Variants in MICOS10 observed in about 807,000 individuals in gnomAD.
MICOS10 encodes mitochondrial contact site and cristae organizing system subunit 10.
Under a neutral mutation model 13.4 loss-of-function variants are expected in MICOS10, and 5 were observed. The ratio of observed to expected loss-of-function variants is 0.37; its 90% CI spans 0.20 to 0.78. The LOEUF (loss-of-function observed/expected upper bound fraction) is 0.78, where lower values mean the gene tolerates loss of function less well. Ranked by LOEUF, MICOS10 falls within the 30% of genes least tolerant of loss-of-function variation. The probability of loss-of-function intolerance (pLI) is 0.47; values close to 1 mark genes in which losing one functional copy is unlikely to be tolerated. For missense variants in MICOS10, 101 were observed against 94.6 expected (o/e 1.07, Z -0.28); for synonymous variants, 35 against 33.6 (o/e 1.04, Z -0.15).
At chr1:19,606,007 A>G (rs2094833208) in intron 1 of MICOS10, among the ~76,000 whole-genome samples, 1 of 152,232 alleles carries the variant, frequency 6.6e-6, no homozygotes, top group African/African-American at 2.4e-5. Context: ...GATTTCAGAA[A>G]GATCACTGAT....
chr1:19,610,849 T>A (rs974867563), intron 1 of MICOS10, among the ~76,000 whole-genome samples: 2 of 152,326 alleles, frequency 1.3e-5, no homozygotes, highest in African/African-American at 4.8e-5. Context: ...CATAATTCAC[T>A]TTTTACTAGG....
intron 1 of MICOS10, among the ~76,000 whole-genome samples, chr1:19,617,906 A>AAT (rs138537670): frequency 0.075 from 11,437 of 151,530 alleles, 507 homozygotes; most frequent in African/African-American, 0.096. Flanking sequence ...TCTATTAAAA[A>AAT]ATATATATAT....
At chr1:19,609,148 T>C (rs560617182) in intron 1 of MICOS10, among the ~76,000 whole-genome samples, 3 of 151,958 alleles carry the variant, frequency 2.0e-5, no homozygotes. Flanking sequence ...AGGTGCGTGC[T>C]ACCGCATCAG....
intron 1 of MICOS10, among the ~76,000 whole-genome samples, chr1:19,615,842 A>G (rs1284800721): frequency 2.0e-5 from 3 of 152,146 alleles, no homozygotes; most frequent in Non-Finnish European, 4.4e-5. Context: ...TACTTAATAA[A>G]TGTTAATAAA....
chr1:19,599,687 G>A (rs2094806436), intron 1 of MICOS10, among the ~76,000 whole-genome samples: 1 of 152,178 alleles, frequency 6.6e-6, no homozygotes, highest in Admixed American at 6.5e-5. Context: ...AGGTCAAGTT[G>A]GATTTTTATG....
Position 19,608,994 on chromosome 1 carries a change from C to CTTTTT in MICOS10, c.64+11910_64+11914dup, listed in dbSNP as rs5772856. On this transcript the variant is annotated intron_variant, in intron 1 of 3. Transcript: ENST00000322753. Reference sequence around the variant, plus strand: ...TTAAGATGTGAGCCACTTTTCCCAGCTTTTTTTTTTTTTTTTTTTTTTTTT... The same window carrying CTTTTT: ...TTAAGATGTGAGCCACTTTTCCCAGCTTTTTTTTTTTTTTTTTTTTTTTTTTTTTT... 3.2e-3 allele frequency among the ~76,000 whole-genome samples: 193 copies of CTTTTT among 60,592 alleles called. 34 individuals carry two copies. Among genetic ancestry groups the CTTTTT allele is most frequent in the African/African-American group, 0.012 (161 of 13,120 alleles). 39.8% of individuals were successfully genotyped at this position (60,592 alleles called of 152,430 possible).
At chr1:19,597,230 C>G in intron 1 of MICOS10, 121 bp downstream of exon 1, 2 of 1,121,296 alleles carry the variant, frequency 1.8e-6, no homozygotes, top group Non-Finnish European at 2.5e-6. Flanking sequence ...CTTTTCCGGC[C>G]CCTCCGGCCA....
intron 3 of MICOS10, among the ~76,000 whole-genome samples, chr1:19,625,012 G>C (rs1281318405): frequency 6.6e-6 from 1 of 152,190 alleles, no homozygotes; most frequent in Non-Finnish European, 1.5e-5. Flanking sequence ...AGTGGGGCTA[G>C]TGGAAAGGGC....
At chr1:19,624,226 T>C (rs1295905798) in intron 3 of MICOS10, among the ~76,000 whole-genome samples, 4 of 152,148 alleles carry the variant, frequency 2.6e-5, no homozygotes, top group African/African-American at 9.7e-5. Flanking sequence ...GAAGGCAGTC[T>C]GGACTGTAAG....
In MICOS10 at chr1:19,627,177, G is replaced by C. The variant is rs2100343450; in HGVS notation, c.*776G>C. The C allele has an allele frequency of 6.6e-6, 1 of 152,358 alleles. No homozygotes were observed. The highest frequency in any genetic ancestry group is 6.5e-5 in the Admixed American group (1 of 15,308). 9.4% of individuals were successfully genotyped at this position (152,358 alleles called of 1,614,324 possible). ...GTTTGAGGACAAAAGGGCCACTTCT[G>C]ATGCCCCTCTGAGTTTGTTCCTGTG... On this transcript the variant is annotated 3_prime_UTR_variant, in exon 4 of 4. Transcript: ENST00000322753.
intron 1 of MICOS10, among the ~76,000 whole-genome samples, chr1:19,616,135 C>T (rs1196039548): frequency 6.6e-6 from 1 of 152,048 alleles, no homozygotes; most frequent in Non-Finnish European, 1.5e-5. Flanking sequence ...AGGCTGGTCT[C>T]GAACTCCTGA....
At chr1:19,612,958 A>T (rs1419685034) in intron 1 of MICOS10, among the ~76,000 whole-genome samples, 1 of 152,134 alleles carries the variant, frequency 6.6e-6, no homozygotes, top group Non-Finnish European at 1.5e-5. Context: ...TTTCCTACGG[A>T]TCCCTGACCT....
chr1:19,623,359 A>G (rs1273812502), intron 2 of MICOS10, 115 bp from the exon 3 acceptor site: 4 of 671,674 alleles, frequency 6.0e-6, no homozygotes, highest in African/African-American at 1.8e-5. Flanking sequence ...TATAGTCATT[A>G]GTATGATGCA....
chr1:19,610,730 T>G (rs2094857500), intron 1 of MICOS10, among the ~76,000 whole-genome samples: 1 of 152,178 alleles, frequency 6.6e-6, no homozygotes, highest in South Asian at 2.1e-4. Context: ...GATAAATGTT[T>G]ACAAGTTAGA....
At chr1:19,598,968 T>C (rs2094803567) in intron 1 of MICOS10, among the ~76,000 whole-genome samples, 1 of 152,178 alleles carries the variant, frequency 6.6e-6, no homozygotes, top group African/African-American at 2.4e-5. Flanking sequence ...AGGTTGGTCT[T>C]TTAACTCCTG....
rs927442042 is a variant in MICOS10, at chr1:19,627,468, AAGAC to A, written c.*1072_*1075del. ...TTCAAGGAGCTTAGAGTCTGATGGAAAGACAGACGTGCAAACACAACTCTGAAAG... is the reference window on the plus strand; with the variant it reads ...TTCAAGGAGCTTAGAGTCTGATGGAAAGACGTGCAAACACAACTCTGAAAG... On this transcript the variant is annotated 3_prime_UTR_variant, in exon 4 of 4. Coordinates refer to ENST00000322753, the MANE Select transcript of MICOS10 (RefSeq NM_001032363.4). 1.3e-5 allele frequency: 2 copies of A among 152,232 alleles called. No individual in the cohort carries two copies. Among genetic ancestry groups the A allele is most frequent in the African/African-American group, 2.4e-5 (1 of 41,458 alleles). 9.4% of individuals were successfully genotyped at this position (152,232 alleles called of 1,614,324 possible).
chr1:19,616,241 A>G (rs1381046369), intron 1 of MICOS10, among the ~76,000 whole-genome samples: 1 of 152,118 alleles, frequency 6.6e-6, no homozygotes, highest in Non-Finnish European at 1.5e-5. Context: ...TTTTATTTGA[A>G]TCATAGGAAT....
chr1:19,621,082 C>T (rs1212336054), intron 1 of MICOS10, among the ~76,000 whole-genome samples: 1 of 152,218 alleles, frequency 6.6e-6, no homozygotes, highest in Non-Finnish European at 1.5e-5. Flanking sequence ...AATTTACTGT[C>T]TTACTCATCT....
chr1:19,623,329 T>C, intron 2 of MICOS10, 145 bp from the exon 3 acceptor site: 1 of 595,756 alleles, frequency 1.7e-6, no homozygotes, highest in Non-Finnish European at 3.0e-6. Flanking sequence ...TGTGAAACAT[T>C]GATAAAAATG....
Sources: allele counts gnomAD v4.1 joint callset (sites outside exome capture counted in the v4.1 genomes callset), GRCh38; gene constraint gnomAD v4.1.1; transcripts MANE v1.5; gene names NCBI Gene and HGNC (gene_info 2026-07-23, HGNC 2026-07-21).